The following STARD10 variants were observed in gnomAD, a reference collection of about 807,000 sequenced individuals.
STARD10 encodes START domain-containing protein 10.
A neutral mutation model predicts 36.0 loss-of-function variants in STARD10; 24 were observed. That is an observed-to-expected ratio of 0.67 (90% CI 0.48 to 0.94). STARD10 has a LOEUF of 0.94. Ranked by LOEUF, STARD10 falls within the 40% of genes least tolerant of loss-of-function variation. The pLI is 0.00. For synonymous variants in STARD10, 156 were observed against 161.9 expected (o/e 0.96, Z 0.28); for missense variants, 335 against 396.6 (o/e 0.84, Z 1.32).
chr11:72,788,369 C>T (rs1859100792), intron 1 of STARD10, among the ~76,000 whole-genome samples: 1 of 152,110 alleles, frequency 6.6e-6, no homozygotes, highest in Admixed American at 6.5e-5. Context: ...AACCTACAGA[C>T]CTCTGTCACC....
Position 72,781,324 on chromosome 11 carries a change from G to C in STARD10, c.-113-30C>G, listed in dbSNP as rs941295024. 1.5e-6 allele frequency: 1 copy of C among 686,898 alleles called. No homozygotes were observed. Among genetic ancestry groups the C allele is most frequent in the Admixed American group, 2.6e-5 (1 of 37,978 alleles). 42.6% of individuals were successfully genotyped at this position (686,898 alleles called of 1,614,324 possible). A position where few individuals can be genotyped will look rare whatever the true frequency, so the allele number is the denominator to read the frequency against. On this transcript the variant is annotated intron_variant, in intron 1 of 6. Transcript: ENST00000334805. This position sits in a 1 kb window ranked among gnomAD's most constrained non-coding sequence, Gnocchi z 4.7. ...AAGACCGGTTTGGGGACGGGAATCA[G>C]TGCGCTGGGGGCGCGGGTGGGGCTG...
In STARD10 at chr11:72,755,040, G is replaced by C. The variant is rs749638325; in HGVS notation, c.733C>G (p.Pro245Ala). 6 of 1,613,030 alleles carry C rather than the reference G, an allele frequency of 3.7e-6. No homozygotes were observed. The highest frequency in any genetic ancestry group is 5.1e-6 in the Non-Finnish European group (6 of 1,179,706). Residue 245 changes from proline to alanine, a missense_variant, in exon 7 of 7, where the codon CCG becomes GCG. Physicochemically the swap from Pro to Ala is conservative, Grantham distance 27. Coordinates refer to ENST00000334805, the MANE Select transcript of STARD10 (RefSeq NM_006645.3). ...PWLHPEQSPLPSLALSELSVQ... is the reference protein window; with the variant it reads ...PWLHPEQSPLASLALSELSVQ... ...GACAGCTCCGACAGCGCCAGGCTCG[G>C]CAACGGGCTCTGCTCCGGGTGCAGC...
Position 72,786,356 on chromosome 11 carries a change from T to TA in STARD10, c.-113-5063dup, listed in dbSNP as rs1312637190. ...GACAGAGCAAGACTCTGTCTCCAGT[T>TA]AAAAAAAAAAAGGAAAAAAAAGGTT... On this transcript the variant is annotated intron_variant, in intron 1 of 6. Coordinates refer to ENST00000334805, the MANE Select transcript of STARD10 (RefSeq NM_006645.3). Among the ~76,000 whole-genome samples the TA allele has an allele frequency of 1.1e-3, 157 of 143,272 alleles. 1 individual carries two copies. Among genetic ancestry groups the TA allele is most frequent in the Admixed American group, 6.5e-3 (94 of 14,378 alleles). 94.0% of individuals were successfully genotyped at this position (143,272 alleles called of 152,430 possible). A position where few individuals can be genotyped will look rare whatever the true frequency, so the allele number is the denominator to read the frequency against.
At chr11:72,780,061 T>C in intron 2 of STARD10, 1 of 350,500 alleles carries the variant, frequency 2.9e-6, no homozygotes. Context: ...CACAGCCTAT[T>C]GCCAGAGCCC....
At chr11:72,772,223 A>G (rs1233436452) in intron 2 of STARD10, among the ~76,000 whole-genome samples, 1 of 144,366 alleles carries the variant, frequency 6.9e-6, no homozygotes, top group Non-Finnish European at 1.5e-5. Context: ...TGCCATAGCC[A>G]TAGTGGGCAT....
At position 72,793,136 on chromosome 11, in the gene STARD10, G is replaced by A. The variant is rs1397209851; in HGVS notation, c.-375C>T. 1 of 152,252 alleles carries A rather than the reference G, an allele frequency of 6.6e-6. No homozygotes were observed. The highest frequency in any genetic ancestry group is 1.5e-5 in the Non-Finnish European group (1 of 68,060). 9.4% of individuals were successfully genotyped at this position (152,252 alleles called of 1,614,324 possible). On this transcript the variant is annotated 5_prime_UTR_variant, in exon 1 of 7. Coordinates refer to ENST00000334805, the MANE Select transcript of STARD10 (RefSeq NM_006645.3). ...AGGGCTCCAGGCCCAAAGGCAGGAG[G>A]ATTAGGCTTTAGCTCTTGCTCACAG...
intron 1 of STARD10, among the ~76,000 whole-genome samples, chr11:72,783,884 A>C (rs1340708191): frequency 1.3e-5 from 2 of 152,180 alleles, no homozygotes; most frequent in Admixed American, 6.5e-5. Flanking sequence ...AGAGAGGTGC[A>C]GATGGCAAGA....
chr11:72,762,964 T>C (rs761176580), intron 2 of STARD10, among the ~76,000 whole-genome samples: 2 of 152,176 alleles, frequency 1.3e-5, no homozygotes, highest in Non-Finnish European at 1.5e-5. Context: ...AAGATGAGCA[T>C]GGAACATCTT....
chr11:72,772,341 G>A (rs1858872840), intron 2 of STARD10, among the ~76,000 whole-genome samples: 1 of 149,808 alleles, frequency 6.7e-6, no homozygotes, highest in Non-Finnish European at 1.5e-5. Context: ...TAGCCACAGT[G>A]GGCACGGTTC....
At chr11:72,786,132 G>A (rs753701572) in intron 1 of STARD10, among the ~76,000 whole-genome samples, 1 of 152,152 alleles carries the variant, frequency 6.6e-6, no homozygotes, top group Non-Finnish European at 1.5e-5. Flanking sequence ...CAGGCAGACT[G>A]CATGAGGCTA....
At chr11:72,775,946 G>A (rs530385555) in intron 2 of STARD10, among the ~76,000 whole-genome samples, 4 of 152,108 alleles carry the variant, frequency 2.6e-5, no homozygotes, top group Non-Finnish European at 5.9e-5. Flanking sequence ...CCTCCTCCAG[G>A]AAGACTTCCC....
chr11:72,764,376 C>G (rs188428903), intron 2 of STARD10, among the ~76,000 whole-genome samples: 2 of 152,234 alleles, frequency 1.3e-5, no homozygotes, highest in Non-Finnish European at 2.9e-5. Flanking sequence ...AGTTGCTCAG[C>G]GTAAACTCTG....
At chr11:72,771,801 G>T (rs995643037) in intron 2 of STARD10, among the ~76,000 whole-genome samples, 1 of 152,056 alleles carries the variant, frequency 6.6e-6, no homozygotes. Context: ...CTTCTATCCT[G>T]GGGGGGCGAG....
At chr11:72,771,494 A>G (rs954138240) in intron 2 of STARD10, among the ~76,000 whole-genome samples, 2 of 152,128 alleles carry the variant, frequency 1.3e-5, no homozygotes, top group Non-Finnish European at 2.9e-5. Context: ...AGCTACCTCC[A>G]ACTCATCTTC....
chr11:72,792,012 C>G (rs1171335664), intron 1 of STARD10, among the ~76,000 whole-genome samples: 1 of 148,230 alleles, frequency 6.7e-6, no homozygotes, highest in African/African-American at 2.5e-5. Flanking sequence ...GTAGCTGGGA[C>G]TACCGGCATA....
rs1859178251 is a variant in STARD10 at position 72,793,680 on chromosome 11, G to T, written c.-919C>A. On this transcript the variant is annotated 5_prime_UTR_variant, in exon 1 of 7. Coordinates refer to ENST00000334805, the MANE Select transcript of STARD10 (RefSeq NM_006645.3). ...GTTATCTTCGCTCAGGCGCCCCCAC[G>T]TGTCGATCCCGAGACTCTCGGCTTG... is the stretch of plus-strand genomic sequence containing the variant. 1 of 152,260 alleles carries T rather than the reference G, an allele frequency of 6.6e-6. No homozygotes were observed. Among genetic ancestry groups the T allele is most frequent in the African/African-American group, 2.4e-5 (1 of 41,466 alleles). The allele number at this position is 152,260 out of a possible 1,614,324, so 9.4% of individuals were successfully genotyped here.
chr11:72,755,267 C>A, intron 6 of STARD10, 125 bp from the exon 7 acceptor site: 2 of 1,105,650 alleles, frequency 1.8e-6, no homozygotes, highest in Non-Finnish European at 1.3e-6. Flanking sequence ...CTCCTCAGCC[C>A]TACTTGCCCT....
At chr11:72,771,270 G>A (rs1250853563) in intron 2 of STARD10, among the ~76,000 whole-genome samples, 1 of 152,186 alleles carries the variant, frequency 6.6e-6, no homozygotes, top group East Asian at 1.9e-4. Flanking sequence ...AGTCCATGCT[G>A]GGAGCTAGGG....
chr11:72,777,695 G>A (rs1479484465), intron 2 of STARD10, among the ~76,000 whole-genome samples: 1 of 152,256 alleles, frequency 6.6e-6, no homozygotes, highest in African/African-American at 2.4e-5. Flanking sequence ...GAGGGAAGGG[G>A]TGGAGGTGGC....
Sources: gnomAD v4.1 joint callset for allele counts (sites outside exome capture counted in the v4.1 genomes callset) on GRCh38, gnomAD v4.1.1 for gene constraint, Gnocchi (gnomAD v3.1) non-coding constraint, MANE v1.5 for transcripts, NCBI Gene and HGNC (gene_info 2026-07-23, HGNC 2026-07-21) for gene names.